Variants in DDC observed in about 807,000 individuals in gnomAD.
DDC encodes aromatic-L-amino-acid decarboxylase.
Under a neutral mutation model 60.0 loss-of-function variants are expected in DDC, and 43 were observed. That is an observed-to-expected ratio of 0.72 (90% confidence interval 0.56 to 0.92). The LOEUF is 0.92. Ranked by LOEUF, DDC falls within the 40% of genes least tolerant of loss-of-function variation. The pLI, the probability that DDC is intolerant of heterozygous loss-of-function variation, is 0.00. For synonymous variants in DDC, 232 were observed against 234.6 expected (o/e 0.99, Z 0.10); for missense variants, 573 against 620.2 (o/e 0.92, Z 0.81).
chr7:50,524,380 GA>G (rs2043982454), intron 6 of DDC, among the ~76,000 whole-genome samples: 1 of 152,162 alleles, frequency 6.6e-6, no homozygotes, highest in East Asian at 1.9e-4. Context: ...AATAATGGGG[GA>G]AATGAAGGTT....
intron 1 of DDC, among the ~76,000 whole-genome samples, chr7:50,553,484 C>CTTTTTTTTTTTTTTTTTTTTT (rs5884158): frequency 1.5e-4 from 14 of 90,938 alleles, no homozygotes; most frequent in South Asian, 4.1e-4. Flanking sequence ...TCTTTCTTTT[C>CTTTTTTTTTTTTTTTTTTTTT]TTTTTTTTTT....
chr7:50,461,633 G>A (rs182378901), intron 14 of DDC, among the ~76,000 whole-genome samples: 25 of 152,334 alleles, frequency 1.6e-4, no homozygotes, highest in Admixed American at 1.2e-3. Flanking sequence ...AGATGCAAAC[G>A]TGGGGTTGCA....
At chr7:50,541,628 C>A (rs556617359) in intron 2 of DDC, among the ~76,000 whole-genome samples, 38 of 152,262 alleles carry the variant, frequency 2.5e-4, no homozygotes, top group Non-Finnish European at 4.1e-4. Flanking sequence ...GTCTGTAAAC[C>A]AGGAAGAGAG....
chr7:50,482,943 T>C (rs1031506971), intron 9 of DDC, among the ~76,000 whole-genome samples: 4 of 152,204 alleles, frequency 2.6e-5, no homozygotes, highest in African/African-American at 9.6e-5. Flanking sequence ...TGAGGTTACA[T>C]CATCTGACAA....
At chr7:50,468,363 T>C (rs905362022) in intron 12 of DDC, among the ~76,000 whole-genome samples, 1 of 152,204 alleles carries the variant, frequency 6.6e-6, no homozygotes, top group African/African-American at 2.4e-5. Flanking sequence ...AGCATGATCA[T>C]AACTAGTTGT....
chr7:50,560,828 T>C (rs1158275960), intron 1 of DDC, among the ~76,000 whole-genome samples: 1 of 152,136 alleles, frequency 6.6e-6, no homozygotes, highest in East Asian at 1.9e-4. Flanking sequence ...AAAGTTCCTG[T>C]AAACCCTGTG....
intron 8 of DDC, among the ~76,000 whole-genome samples, chr7:50,497,177 C>T (rs2043144517): frequency 6.6e-6 from 1 of 151,522 alleles, no homozygotes. Context: ...TTGCAGCCTC[C>T]TTATCTGCCC....
At position 50,459,891 on chromosome 7, in the gene DDC, G is replaced by GC. The variant is rs1210779461; in HGVS notation, c.*19-1049dup. 2.2e-5 allele frequency among the ~76,000 whole-genome samples: 3 copies of GC among 138,766 alleles called. No homozygotes were observed. In the East Asian group the frequency reaches 6.6e-4, roughly 31 times the overall value. The allele number at this position is 138,766 out of a possible 152,430, so 91.0% of individuals were successfully genotyped here. ...GTCCGGGAGGGAGGTGGGGGGGTCA[G>GC]CCCCCCGCCCGGCCAGCCGCCCCAT... On this transcript the variant is annotated intron_variant, in intron 14 of 14. Transcript: ENST00000444124.
rs933481703 is a variant in DDC, at chr7:50,518,871, A to G, written c.714+9266T>C. Among the ~76,000 whole-genome samples, 3 of 152,370 alleles carry G rather than the reference A, an allele frequency of 2.0e-5. No homozygotes were observed. The East Asian group carries it at 5.8e-4, about 29-fold the overall frequency. ...AAGAACCCAAAAGCAAATGCAATAA[A>G]AACAGAGATAAATGGCTGGGACCTA... is the stretch of plus-strand genomic sequence containing the variant. On this transcript the variant is annotated intron_variant, in intron 6 of 14. Transcript: ENST00000444124.
At chr7:50,495,315 A>AG in intron 9 of DDC, 35 bp downstream of exon 9, 1 of 1,539,136 alleles carries the variant, frequency 6.5e-7, no homozygotes, top group South Asian at 1.1e-5. Flanking sequence ...GTCACCTCGG[A>AG]CAGGCAACTG....
chr7:50,562,961 G>T (rs1183074050), intron 1 of DDC, among the ~76,000 whole-genome samples: 1 of 152,198 alleles, frequency 6.6e-6, no homozygotes, highest in Non-Finnish European at 1.5e-5. Flanking sequence ...GAGGTCAGGA[G>T]TTCGAGACCA....
intron 10 of DDC, chr7:50,477,450 C>T (rs986143902): frequency 6.7e-6 from 3 of 445,398 alleles, no homozygotes; most frequent in Non-Finnish European, 9.0e-6. Flanking sequence ...TCAGTGTCCC[C>T]TACTTCCGCA....
At chr7:50,463,113 T>C in intron 14 of DDC, 100 bp downstream of exon 14, 1 of 938,036 alleles carries the variant, frequency 1.1e-6, no homozygotes, top group South Asian at 1.4e-5. Flanking sequence ...CTGGCAGCAT[T>C]GAGTGGCCGG....
At chr7:50,527,776 G>A in intron 6 of DDC, 1 of 270,062 alleles carries the variant, frequency 3.7e-6, no homozygotes, top group South Asian at 4.2e-5. Context: ...CCTTCAAAAT[G>A]TCTTGGCTGT....
At chr7:50,537,000 T>C (rs1455287033) in intron 4 of DDC, among the ~76,000 whole-genome samples, 3 of 151,652 alleles carry the variant, frequency 2.0e-5, no homozygotes, top group Non-Finnish European at 2.9e-5. Flanking sequence ...GGGAGAGTAC[T>C]GGGTTCAATA....
chr7:50,460,270 C>G (rs1482467082), intron 14 of DDC, among the ~76,000 whole-genome samples: 1 of 141,482 alleles, frequency 7.1e-6, no homozygotes, highest in Non-Finnish European at 1.5e-5. Flanking sequence ...CCGCCCCGTC[C>G]GGGAGGTGAG....
At chr7:50,521,181 G>T (rs953549999) in intron 6 of DDC, among the ~76,000 whole-genome samples, 1 of 151,918 alleles carries the variant, frequency 6.6e-6, no homozygotes, top group African/African-American at 2.4e-5. Context: ...GGATTCCAAG[G>T]CCACAAATTC....
At position 50,496,633 on chromosome 7, in the gene DDC, A is replaced by C. The variant is rs112791643; in HGVS notation, c.877-1216T>G. Reference sequence around the variant, plus strand: ...TTTCAAATGCATGTCCTGGTTTATCACCTGACTGGTGAACAGGAACAGGGT... The same window carrying C: ...TTTCAAATGCATGTCCTGGTTTATCCCCTGACTGGTGAACAGGAACAGGGT... On this transcript the variant is annotated intron_variant, in intron 8 of 14. Coordinates refer to ENST00000444124, the MANE Select transcript of DDC (RefSeq NM_001082971.2). 3.4e-4 allele frequency among the ~76,000 whole-genome samples: 51 copies of C among 152,192 alleles called. No individual in the cohort carries two copies. The South Asian group carries it at 0.011, about 32-fold the overall frequency.
chr7:50,548,197 C>G (rs1393276176), intron 1 of DDC, among the ~76,000 whole-genome samples: 1 of 152,148 alleles, frequency 6.6e-6, no homozygotes, highest in Non-Finnish European at 1.5e-5. Context: ...TAAGATGTGA[C>G]AAAATTGAAA....
Sources: allele counts gnomAD v4.1 joint callset (sites outside exome capture counted in the v4.1 genomes callset), GRCh38; gene constraint gnomAD v4.1.1; transcripts MANE v1.5; gene names NCBI Gene and HGNC (gene_info 2026-07-23, HGNC 2026-07-21).